The following PIK3AP1 variants were observed in gnomAD, a reference collection of about 807,000 sequenced individuals.
PIK3AP1 encodes phosphoinositide-3-kinase adaptor protein 1.
Under a neutral mutation model 88.1 loss-of-function variants are expected in PIK3AP1, and 21 were observed. The ratio of observed to expected loss-of-function variants is 0.24; its 90% CI spans 0.17 to 0.34. The LOEUF (loss-of-function observed/expected upper bound fraction) is 0.34. PIK3AP1 is among the 10% of genes least tolerant of loss of function. The pLI is 1.00. For synonymous variants in PIK3AP1, 398 were observed against 400.0 expected (o/e 1.00, Z 0.06); for missense variants, 828 against 1,035.7 (o/e 0.80, Z 2.75).
chr10:96,629,752 G>A, intron 8 of PIK3AP1, among the ~76,000 whole-genome samples: 1 of 143,848 alleles, frequency 7.0e-6, no homozygotes. Context: ...AAATTAGCAA[G>A]GTATAGCGGC....
At position 96,709,570 on chromosome 10, in the gene PIK3AP1, C is replaced by T. The variant is rs1844410108; in HGVS notation, c.427G>A (p.Glu143Lys). ...TATCTTTAGAAGAAATCCTTACCTT[C>T]GGAAATGGCTTTTTTCACAGCTGCC... ...YVAAVKKAISEDSGCDSVTDT... is the reference protein window; with the variant it reads ...YVAAVKKAISKDSGCDSVTDT... Residue 143 changes from glutamate (E) to lysine (K), a missense_variant, in exon 2 of 17, where the codon GAA becomes AAA. By Grantham distance (56) the Glu-to-Lys change is moderately conservative (BLOSUM62 1). Transcript: ENST00000339364. 3 of 1,600,870 alleles carry T rather than the reference C, an allele frequency of 1.9e-6. No homozygotes were observed. The highest frequency in any genetic ancestry group is 2.2e-5 in the South Asian group (2 of 90,250).
At chr10:96,602,711 T>TCACCAAGC (rs1346079773) in intron 15 of PIK3AP1, among the ~76,000 whole-genome samples, 1 of 152,294 alleles carries the variant, frequency 6.6e-6, no homozygotes, top group East Asian at 1.9e-4. Context: ...ACCCAAGGAC[T>TCACCAAGC]CTTCTCAGAA....
Position 96,635,028 on chromosome 10 carries a change from C to T in PIK3AP1, c.1376-6535G>A, listed in dbSNP as rs181539469. 2.2e-3 allele frequency among the ~76,000 whole-genome samples: 339 copies of T among 152,322 alleles called. 1 individual carries two copies. Among genetic ancestry groups the T allele is most frequent in the Non-Finnish European group, 3.7e-3 (255 of 68,034 alleles). Reference sequence around the variant, plus strand: ...GCCGTCTCTCTGGTCTGTTTTCTGACGCCCTCTTCCACTTTTAAGGACCTT... The same window carrying T: ...GCCGTCTCTCTGGTCTGTTTTCTGATGCCCTCTTCCACTTTTAAGGACCTT... On this transcript the variant is annotated intron_variant, in intron 8 of 16. Coordinates refer to ENST00000339364, the MANE Select transcript of PIK3AP1 (RefSeq NM_152309.3).
Position 96,616,723 on chromosome 10 carries a change from T to A in PIK3AP1, c.1942-12A>T, listed in dbSNP as rs1000077681. 6.2e-7 allele frequency: 1 copy of A among 1,613,710 alleles called. No homozygotes were observed. Among genetic ancestry groups the A allele is most frequent in the Non-Finnish European group, 8.5e-7 (1 of 1,179,614 alleles). On this transcript the variant is annotated splice_polypyrimidine_tract_variant and intron_variant, in intron 12 of 16. Coordinates refer to ENST00000339364, the MANE Select transcript of PIK3AP1 (RefSeq NM_152309.3). The stretch of plus-strand genomic sequence containing the variant: ...CGTTTAAGATTTTCCTGGAAAAAAA[T>A]TTGGTTTATTTTTTAAGTGTACAAC...
chr10:96,668,732 G>C (rs1843800106), intron 2 of PIK3AP1, among the ~76,000 whole-genome samples: 1 of 152,156 alleles, frequency 6.6e-6, no homozygotes, highest in South Asian at 2.1e-4. Context: ...AAGATTCAAA[G>C]ATTTCTTAGA....
intron 6 of PIK3AP1, 91 bp from the exon 7 acceptor site, chr10:96,648,946 T>C (rs1220465544): frequency 1.1e-5 from 12 of 1,110,138 alleles, no homozygotes; most frequent in Admixed American, 7.1e-5. Flanking sequence ...AAGACTAGCA[T>C]GGCAACAGAA....
Position 96,651,228 on chromosome 10 carries a change from A to C in PIK3AP1, c.988+20T>G. ...AGAATCAGCCCACGTTGGTTTCCTGAGGTTTGACTGTCAACTTACTTGTCA... is the reference window on the plus strand; with the variant it reads ...AGAATCAGCCCACGTTGGTTTCCTGCGGTTTGACTGTCAACTTACTTGTCA... On this transcript the variant is annotated intron_variant, in intron 6 of 16. Transcript: ENST00000339364. The C allele has an allele frequency of 4.3e-6, 7 of 1,614,190 alleles. No homozygotes were observed. Among genetic ancestry groups the C allele is most frequent in the Non-Finnish European group, 5.1e-6 (6 of 1,180,004 alleles).
At chr10:96,628,832 A>C (rs9664153) in intron 8 of PIK3AP1, among the ~76,000 whole-genome samples, 3,846 of 148,236 alleles carry the variant, frequency 0.026, 174 homozygotes, top group African/African-American at 0.09. Context: ...ATTGTGTTTT[A>C]TATATACATA....
chr10:96,642,091 G>A (rs1207482525), intron 8 of PIK3AP1, among the ~76,000 whole-genome samples: 1 of 152,092 alleles, frequency 6.6e-6, no homozygotes, highest in East Asian at 1.9e-4. Context: ...ACCAAACCAT[G>A]TCTAGAGTTA....
chr10:96,708,724 G>A (rs910130052), intron 2 of PIK3AP1, among the ~76,000 whole-genome samples: 2 of 151,914 alleles, frequency 1.3e-5, no homozygotes, highest in African/African-American at 2.4e-5. Context: ...CACTAACCCC[G>A]GCAGAAAGGA....
At position 96,645,478 on chromosome 10, in the gene PIK3AP1, T is replaced by A. The variant is rs138047705; in HGVS notation, c.1370A>T (p.Asp457Val). 1 of 1,612,976 alleles carries A rather than the reference T, an allele frequency of 6.2e-7. No individual in the cohort carries two copies. The highest frequency in any genetic ancestry group is 8.5e-7 in the Non-Finnish European group (1 of 1,179,644). ...AACTGGGTTGTGCTACTTACAGAGGTCTTCAGTGGCAGCTGGGACAAAGGC... is the reference window on the plus strand; with the variant it reads ...AACTGGGTTGTGCTACTTACAGAGGACTTCAGTGGCAGCTGGGACAAAGGC... ...MAAFVPAATEDLYVEMLQAST... is the reference protein window; with the variant it reads ...MAAFVPAATEVLYVEMLQAST... Residue 457 changes from aspartate to valine, a missense_variant, in exon 8 of 17, where the codon GAC becomes GTC. Asp to Val is a radical substitution (Grantham distance 152). Coordinates refer to ENST00000339364, the MANE Select transcript of PIK3AP1 (RefSeq NM_152309.3).
Position 96,661,170 on chromosome 10 carries a change from C to T in PIK3AP1, c.431-4236G>A, listed in dbSNP as rs765680072. ...CGCCACTGCACTTCAGCCTGGGAAA[C>T]GAGCAAAACTCCATCTAAAAAAAAA... On this transcript the variant is annotated intron_variant, in intron 2 of 16. Coordinates refer to ENST00000339364, the MANE Select transcript of PIK3AP1 (RefSeq NM_152309.3). Among the ~76,000 whole-genome samples the T allele has an allele frequency of 4.6e-5, 7 of 151,002 alleles. No homozygotes were observed. The East Asian group carries it at 5.8e-4, about 13-fold the overall frequency.
intron 8 of PIK3AP1, among the ~76,000 whole-genome samples, chr10:96,638,487 C>G (rs1843343705): frequency 6.6e-6 from 1 of 151,252 alleles, no homozygotes; most frequent in Non-Finnish European, 1.5e-5. Context: ...CACACACACA[C>G]ACACACACAC....
intron 2 of PIK3AP1, among the ~76,000 whole-genome samples, chr10:96,676,907 C>T (rs548069623): frequency 6.6e-6 from 1 of 152,206 alleles, no homozygotes; most frequent in African/African-American, 2.4e-5. Flanking sequence ...GGCACAGACT[C>T]AAGGACGGAC....
At chr10:96,598,309 A>G (rs11188845) in intron 16 of PIK3AP1, among the ~76,000 whole-genome samples, 151,089 of 152,138 alleles carry the variant, frequency 0.99, 75,034 homozygotes, top group Middle Eastern at 1. Flanking sequence ...TCCCTGCCTC[A>G]GCCTCCTAAA....
chr10:96,711,926 T>G (rs1844444288), intron 1 of PIK3AP1, among the ~76,000 whole-genome samples: 1 of 151,414 alleles, frequency 6.6e-6, no homozygotes, highest in Non-Finnish European at 1.5e-5. Context: ...AATTTTTTTT[T>G]TTTATTTTTA....
chr10:96,653,001 G>C (rs144484814), intron 3 of PIK3AP1, among the ~76,000 whole-genome samples, 159 bp from the exon 4 acceptor site: 69 of 152,200 alleles, frequency 4.5e-4, no homozygotes, highest in Non-Finnish European at 7.1e-4. Flanking sequence ...TGAACTGTTT[G>C]CTACCAGTCC....
At chr10:96,637,819 G>A (rs1364001187) in intron 8 of PIK3AP1, among the ~76,000 whole-genome samples, 1 of 152,122 alleles carries the variant, frequency 6.6e-6, no homozygotes, top group African/African-American at 2.4e-5. Context: ...AGGCAAACTG[G>A]TCTCTCCCCA....
At chr10:96,623,372 C>A in intron 11 of PIK3AP1, 100 bp downstream of exon 11, 2 of 1,197,334 alleles carry the variant, frequency 1.7e-6, no homozygotes, top group Non-Finnish European at 2.4e-6. Context: ...CTAGATCCCT[C>A]TATTTTTCAA....
Sources: allele counts gnomAD v4.1 joint callset (sites outside exome capture counted in the v4.1 genomes callset), GRCh38; gene constraint gnomAD v4.1.1; transcripts MANE v1.5; gene names NCBI Gene and HGNC (gene_info 2026-07-23, HGNC 2026-07-21).